The following EPHA3 variants were observed in gnomAD, a reference collection of about 807,000 sequenced individuals.
The protein encoded by EPHA3 is EPH receptor A3.
Under a neutral mutation model 107.1 loss-of-function variants are expected in EPHA3, and 42 were observed. That is an observed-to-expected ratio of 0.39 (90% CI 0.31 to 0.51). The LOEUF (loss-of-function observed/expected upper bound fraction) is 0.51. Among genes scored for constraint, EPHA3 ranks in the 20% least tolerant of loss-of-function variants. EPHA3 has a pLI of 0.78. For missense variants in EPHA3, 1,183 were observed against 1,211.2 expected, an observed-to-expected ratio of 0.98 and a Z score of 0.35; for synonymous variants, 461 against 424.8, an observed-to-expected ratio of 1.09 and a Z score of -1.05.
intron 2 of EPHA3, among the ~76,000 whole-genome samples, chr3:89,140,237 G>A (rs1200176158): frequency 6.6e-6 from 1 of 151,776 alleles, no homozygotes; most frequent in African/African-American, 2.4e-5. Flanking sequence ...ATGTTGCTAT[G>A]TAACTAAAAT....
In EPHA3 at chr3:89,276,825, C is replaced by T. The variant is rs144004637; in HGVS notation, c.815-64091C>T. 2.6e-5 allele frequency among the ~76,000 whole-genome samples: 4 copies of T among 152,190 alleles called. No individual in the cohort carries two copies. The East Asian group carries it at 5.8e-4, about 22-fold the overall frequency. ...ACACATAATGTATTAAAGAGAATAT[C>T]TAAAAGTCCGTCTGTTTTGAAGCTA... is the stretch of plus-strand genomic sequence containing the variant. On this transcript the variant is annotated intron_variant, in intron 3 of 16. Transcript: ENST00000336596.
chr3:89,431,127 T>C (rs530442459), intron 12 of EPHA3, 23 bp from the exon 13 acceptor site: 29 of 1,608,556 alleles, frequency 1.8e-5, no homozygotes, highest in Non-Finnish European at 2.4e-5. Context: ...GTATCTTAAT[T>C]GTACATTTGA....
intron 13 of EPHA3, among the ~76,000 whole-genome samples, chr3:89,442,433 C>T (rs1019981167): frequency 1.3e-5 from 2 of 152,122 alleles, no homozygotes; most frequent in East Asian, 1.9e-4. Flanking sequence ...AGCAGTAGTT[C>T]GCAAATGGGG....
At chr3:89,225,975 G>A (rs1319417105) in intron 3 of EPHA3, among the ~76,000 whole-genome samples, 2 of 152,052 alleles carry the variant, frequency 1.3e-5, no homozygotes, top group African/African-American at 2.4e-5. Context: ...AGTACATAAA[G>A]CAAATAAAAA....
At position 89,210,145 on chromosome 3, in the gene EPHA3, G is replaced by A. The variant is rs2107182047; in HGVS notation, c.439G>A (p.Ala147Thr). The change falls in exon 3 of 17, where the codon GCA becomes ACA. Residue 147 changes from alanine (A) to threonine (T), a missense_variant. Ala to Thr is a moderately conservative substitution (Grantham distance 58, BLOSUM62 0). Coordinates refer to ENST00000336596, the MANE Select transcript of EPHA3 (RefSeq NM_005233.6). ...TCAGTTTACAAAGATTGACACCATT[G>A]CAGCTGATGAAAGTTTCACTCAAAT... ...EHQFTKIDTI[A>T]ADESFTQMDL... The A allele has an allele frequency of 6.2e-7, 1 of 1,613,982 alleles. No homozygotes were observed. Among genetic ancestry groups the A allele is most frequent in the Non-Finnish European group, 8.5e-7 (1 of 1,179,916 alleles).
At chr3:89,424,934 G>C (rs1467140758) in intron 11 of EPHA3, among the ~76,000 whole-genome samples, 1 of 151,490 alleles carries the variant, frequency 6.6e-6, no homozygotes, top group South Asian at 2.1e-4. Context: ...GATAGAGTAG[G>C]GTTGGTTAAG....
chr3:89,153,621 T>A (rs1704734240), intron 2 of EPHA3, among the ~76,000 whole-genome samples: 1 of 152,010 alleles, frequency 6.6e-6, no homozygotes, highest in African/African-American at 2.4e-5. Flanking sequence ...ATCAGAAATA[T>A]AACCATTTCT....
At position 89,210,268 on chromosome 3, in the gene EPHA3, G is replaced by A. The variant is rs2107182672; in HGVS notation, c.562G>A (p.Ala188Thr). Residue 188 changes from alanine (A) to threonine (T), a missense_variant, in exon 3 of 17, where the codon GCT becomes ACT. By Grantham distance (58) the Ala-to-Thr change is moderately conservative (BLOSUM62 0). Transcript: ENST00000336596. ...TTATTTGGCATTTCAAGATGTTGGT[G>A]CTTGTGTTGCCTTGGTGTCTGTGAG... ...GFYLAFQDVG[A>T]CVALVSVRVY... is the part of the protein sequence containing the mutation. 6.2e-7 allele frequency: 1 copy of A among 1,614,014 alleles called. No homozygotes were observed. Among genetic ancestry groups the A allele is most frequent in the Non-Finnish European group, 8.5e-7 (1 of 1,179,942 alleles).
intron 2 of EPHA3, among the ~76,000 whole-genome samples, chr3:89,182,973 C>G (rs1489758809): frequency 6.6e-6 from 1 of 151,844 alleles, no homozygotes; most frequent in Non-Finnish European, 1.5e-5. Flanking sequence ...TTACACAAAG[C>G]AGACATTGAA....
At chr3:89,243,439 T>A (rs1704956237) in intron 3 of EPHA3, among the ~76,000 whole-genome samples, 1 of 152,198 alleles carries the variant, frequency 6.6e-6, no homozygotes, top group Non-Finnish European at 1.5e-5. Context: ...TTTTTAATGA[T>A]CGCCATTCTA....
intron 3 of EPHA3, among the ~76,000 whole-genome samples, chr3:89,320,760 A>G (rs570065010): frequency 6.6e-6 from 1 of 152,194 alleles, no homozygotes; most frequent in African/African-American, 2.4e-5. Context: ...AGTCTTTTAT[A>G]ACTCCTGAAA....
chr3:89,481,859 T>A lies in EPHA3; in HGVS notation c.*2357T>A, dbSNP rs1459338716. 4.3e-6 allele frequency: 1 copy of A among 231,206 alleles called. No homozygotes were observed. Among genetic ancestry groups the A allele is most frequent in the Admixed American group, 5.6e-5 (1 of 17,710 alleles). 14.3% of individuals were successfully genotyped at this position (231,206 alleles called of 1,614,324 possible). On this transcript the variant is annotated 3_prime_UTR_variant, in exon 17 of 17. Coordinates refer to ENST00000336596, the MANE Select transcript of EPHA3 (RefSeq NM_005233.6). ...AAGCCACAACTCCTACATGATGTTA[T>A]GTACCATATGATCTGTTTTGTATCT...
At chr3:89,399,895 C>A (rs1708924388) in intron 7 of EPHA3, 1 of 1,063,298 alleles carries the variant, frequency 9.4e-7, no homozygotes, top group African/African-American at 1.6e-5. Context: ...ATCCTTAACA[C>A]ATTCAATAGC....
chr3:89,420,537 A>T (rs1709333324), intron 11 of EPHA3, among the ~76,000 whole-genome samples: 1 of 151,470 alleles, frequency 6.6e-6, no homozygotes, highest in Non-Finnish European at 1.5e-5. Context: ...GTACTCTACA[A>T]AACCAGGCCT....
intron 3 of EPHA3, among the ~76,000 whole-genome samples, chr3:89,305,380 C>G (rs1382057080): frequency 6.6e-6 from 1 of 152,086 alleles, no homozygotes; most frequent in African/African-American, 2.4e-5. Flanking sequence ...AATTGACAAG[C>G]TTTCACTCTA....
intron 9 of EPHA3, among the ~76,000 whole-genome samples, 158 bp downstream of exon 9, chr3:89,408,289 T>G (rs1709091330): frequency 6.6e-6 from 1 of 152,142 alleles, no homozygotes; most frequent in Non-Finnish European, 1.5e-5. Context: ...AGAGGGAAAT[T>G]CATGGTTCTG....
intron 5 of EPHA3, among the ~76,000 whole-genome samples, chr3:89,343,712 T>A (rs570149943): frequency 1.7e-4 from 26 of 152,338 alleles, no homozygotes; most frequent in African/African-American, 6.0e-4. Context: ...ATTTTTACAT[T>A]CCTCATGATG....
intron 13 of EPHA3, among the ~76,000 whole-genome samples, chr3:89,436,965 C>T (rs549517130): frequency 5.8e-4 from 88 of 152,204 alleles, no homozygotes; most frequent in East Asian, 1.2e-3. Context: ...TGCTGTGTTA[C>T]GCAGAAATTG....
At chr3:89,316,788 G>T in intron 3 of EPHA3, among the ~76,000 whole-genome samples, 1 of 151,388 alleles carries the variant, frequency 6.6e-6, no homozygotes, top group Non-Finnish European at 1.5e-5. Flanking sequence ...TTGCACGGAA[G>T]TATCAGTTGT....
Sources: gnomAD v4.1 joint callset for allele counts (sites outside exome capture counted in the v4.1 genomes callset) on GRCh38, gnomAD v4.1.1 for gene constraint, MANE v1.5 for transcripts, NCBI Gene and HGNC (gene_info 2026-07-23, HGNC 2026-07-21) for gene names.